PALM2AKAP2: variants seen among roughly 807,000 people sequenced by gnomAD.
PALM2AKAP2 encodes the protein PALM2-AKAP2 fusion protein.
Under a neutral mutation model 71.5 loss-of-function variants are expected in PALM2AKAP2, and 37 were observed. That is an observed-to-expected ratio of 0.52 (90% CI 0.40 to 0.68). The LOEUF (loss-of-function observed/expected upper bound fraction) is 0.68. PALM2AKAP2 is among the 30% of genes least tolerant of loss of function. PALM2AKAP2 has a pLI of 0.00. For missense variants in PALM2AKAP2, 1,224 were observed against 1,191.8 expected, an observed-to-expected ratio of 1.03 and a Z score of -0.40; for synonymous variants, 468 against 478.8, an observed-to-expected ratio of 0.98 and a Z score of 0.29.
intron 1 of PALM2AKAP2, among the ~76,000 whole-genome samples, chr9:109,661,326 G>A (rs1827392142): frequency 6.6e-6 from 1 of 152,146 alleles, no homozygotes; most frequent in African/African-American, 2.4e-5. Flanking sequence ...AATCCATCTT[G>A]AATTAATTTT....
intron 1 of PALM2AKAP2, among the ~76,000 whole-genome samples, chr9:109,678,321 GA>G (rs1411110306): frequency 6.6e-6 from 1 of 152,156 alleles, no homozygotes; most frequent in Admixed American, 6.5e-5. Context: ...AAAAGATTTT[GA>G]TCATTTTAAT....
intron 6 of PALM2AKAP2, among the ~76,000 whole-genome samples, chr9:109,933,373 T>C (rs998245199): frequency 1.3e-5 from 2 of 152,228 alleles, no homozygotes; most frequent in Admixed American, 6.5e-5. Context: ...GACATGGGTG[T>C]TGATGGCTCC....
chr9:110,012,295 A>AAAAAAG (rs369284825), intron 6 of PALM2AKAP2, among the ~76,000 whole-genome samples: 6 of 152,164 alleles, frequency 3.9e-5, no homozygotes, highest in East Asian at 1.9e-4. Context: ...TCTGTCTCAA[A>AAAAAAG]AAAAAGAAAA....
chr9:109,992,463 G>A lies in PALM2AKAP2; in HGVS notation c.497-23491G>A, dbSNP rs538221640. Among the ~76,000 whole-genome samples the A allele has an allele frequency of 4.9e-4, 75 of 152,026 alleles. 1 individual carries two copies. The highest frequency in any genetic ancestry group is 1.6e-3 in the Admixed American group (24 of 15,274). ...TTTTGAGACAGGGTCTACTTCTGTC[G>A]CCCAGGCTGGAGTGCAGTGGTGTGA... On this transcript the variant is annotated intron_variant, in intron 6 of 9. Transcript: ENST00000302798.
At chr9:109,956,862 C>T (rs1270817853) in intron 6 of PALM2AKAP2, among the ~76,000 whole-genome samples, 1 of 152,084 alleles carries the variant, frequency 6.6e-6, no homozygotes, top group Non-Finnish European at 1.5e-5. Flanking sequence ...CCCACTTACC[C>T]CCAAAATTTA....
intron 1 of PALM2AKAP2, among the ~76,000 whole-genome samples, chr9:109,815,420 T>C (rs1395024077): frequency 1.3e-5 from 2 of 152,142 alleles, no homozygotes; most frequent in Non-Finnish European, 2.9e-5. Context: ...AATAGTAACT[T>C]TAGCCATGGA....
At chr9:110,075,699 T>C (rs971662450) in intron 1 of PALM2AKAP2, among the ~76,000 whole-genome samples, 4 of 152,104 alleles carry the variant, frequency 2.6e-5, no homozygotes, top group Non-Finnish European at 5.9e-5. Context: ...TTACTCACTT[T>C]AGCATAAGCA....
chr9:110,151,869 C>T (rs761403690), intron 2 of PALM2AKAP2, among the ~76,000 whole-genome samples: 1 of 152,184 alleles, frequency 6.6e-6, no homozygotes. Flanking sequence ...AAGACCAATA[C>T]GGACCTGCCC....
intron 1 of PALM2AKAP2, among the ~76,000 whole-genome samples, chr9:110,128,870 G>T (rs1835674262): frequency 6.6e-6 from 1 of 152,226 alleles, no homozygotes. Flanking sequence ...CTAGCTGTAG[G>T]CCTAGGTACC....
chr9:110,080,006 G>T (rs1013683803), intron 1 of PALM2AKAP2, among the ~76,000 whole-genome samples: 1 of 148,470 alleles, frequency 6.7e-6, no homozygotes, highest in Non-Finnish European at 1.5e-5. Flanking sequence ...GGAGGTGGAG[G>T]TTGCAGTGAG....
chr9:109,849,593 A>AG (rs1828954558), intron 1 of PALM2AKAP2, among the ~76,000 whole-genome samples: 1 of 152,052 alleles, frequency 6.6e-6, no homozygotes. Flanking sequence ...ACTAAAAAAA[A>AG]GAAAATACAA....
chr9:110,049,370 G>A (rs1328179084), intron 1 of PALM2AKAP2, among the ~76,000 whole-genome samples: 1 of 152,150 alleles, frequency 6.6e-6, no homozygotes, highest in Non-Finnish European at 1.5e-5. Context: ...CTGAAGTCAG[G>A]GAGGGCCGGG....
intron 1 of PALM2AKAP2, among the ~76,000 whole-genome samples, chr9:109,737,123 A>C (rs894276568): frequency 1.3e-5 from 2 of 152,194 alleles, no homozygotes; most frequent in Non-Finnish European, 2.9e-5. Flanking sequence ...TCTAAATCCT[A>C]GGAGGCACAG....
At chr9:109,788,500 G>T (rs775492645) in intron 1 of PALM2AKAP2, among the ~76,000 whole-genome samples, 12 of 152,206 alleles carry the variant, frequency 7.9e-5, no homozygotes, top group Non-Finnish European at 1.8e-4. Context: ...CTCCCAGAGT[G>T]TCTAATTCTG....
intron 1 of PALM2AKAP2, chr9:109,640,960 C>T (rs1303723760): frequency 7.1e-7 from 1 of 1,414,544 alleles, no homozygotes; most frequent in African/African-American, 1.5e-5. Context: ...GGGTCCGCGT[C>T]CAGGATGGGT....
At chr9:109,757,979 C>A (rs1038262394) in intron 1 of PALM2AKAP2, among the ~76,000 whole-genome samples, 2 of 151,984 alleles carry the variant, frequency 1.3e-5, no homozygotes, top group Non-Finnish European at 2.9e-5. Context: ...ATCCTAACCC[C>A]CTCCCAACCC....
chr9:109,876,820 C>G (rs978658688), intron 2 of PALM2AKAP2, among the ~76,000 whole-genome samples: 1 of 152,102 alleles, frequency 6.6e-6, no homozygotes, highest in Admixed American at 6.5e-5. Context: ...CTTCCTGGCT[C>G]CTCCTGTTGG....
rs80044478 is a variant in PALM2AKAP2 at position 109,794,268 on chromosome 9, T to G, written c.45+13735T>G. Among the ~76,000 whole-genome samples, 664 of 152,258 alleles carry G rather than the reference T, an allele frequency of 4.4e-3. 7 individuals are homozygous for G. Among genetic ancestry groups the G allele is most frequent in the African/African-American group, 0.015 (618 of 41,548 alleles). On this transcript the variant is annotated intron_variant, in intron 1 of 9. Transcript: ENST00000302798. ...TGTTGTTGTTGTTGTTGTTGTTGTT[T>G]TTTGAAAACCAGAAAATCTGATCTC... is the stretch of plus-strand genomic sequence containing the variant.
At chr9:110,137,814 C>T in exon 2 of PALM2AKAP2, 1 of 1,614,106 alleles carries the variant, frequency 6.2e-7, no homozygotes, top group Non-Finnish European at 8.5e-7. Flanking sequence ...CTGCCCCAGA[C>T]ACCACAAACT....
Sources: allele counts gnomAD v4.1 joint callset (sites outside exome capture counted in the v4.1 genomes callset), GRCh38; gene constraint gnomAD v4.1.1; transcripts MANE v1.5; gene names NCBI Gene and HGNC (gene_info 2026-07-23, HGNC 2026-07-21).